GRM5: variants seen among roughly 807,000 people sequenced by gnomAD.
GRM5 encodes glutamate metabotropic receptor 5, also known as metabotropic glutamate receptor 5.
In GRM5, 19 loss-of-function variants were observed where a neutral mutation model predicts 83.1. That is an observed-to-expected ratio of 0.23 (90% confidence interval 0.16 to 0.34). The LOEUF (loss-of-function observed/expected upper bound fraction) is 0.34, where lower values mean the gene tolerates loss of function less well. Ranked by LOEUF, GRM5 falls within the 10% of genes least tolerant of loss-of-function variation. The pLI is 1.00. For synonymous variants in GRM5, 675 were observed against 633.6 expected (o/e 1.07, Z -0.98); for missense variants, 1,160 against 1,588.3 (o/e 0.73, Z 4.58).
At position 88,603,910 on chromosome 11, in the gene GRM5, A is replaced by T. The variant is rs181539785; in HGVS notation, c.1394+808T>A. Among the ~76,000 whole-genome samples, 3 of 152,374 alleles carry T rather than the reference A, an allele frequency of 2.0e-5. No individual in the cohort carries two copies. The East Asian group carries it at 5.8e-4, about 29-fold the overall frequency. ...TTGTTAAGTATGAGCTATTGCTAGA[A>T]GGGCACTGAGAGACCAAAGGACCCT... On this transcript the variant is annotated intron_variant, in intron 5 of 9. Transcript: ENST00000305447.
chr11:88,577,816 G>A (rs1263139360), intron 7 of GRM5, among the ~76,000 whole-genome samples: 4 of 152,086 alleles, frequency 2.6e-5, no homozygotes, highest in Admixed American at 2.0e-4. Flanking sequence ...GCATAGTAAT[G>A]TATCAAGAGA....
At chr11:89,043,404 T>C (rs1941575699) in intron 2 of GRM5, among the ~76,000 whole-genome samples, 1 of 152,178 alleles carries the variant, frequency 6.6e-6, no homozygotes, top group Non-Finnish European at 1.5e-5. Context: ...AAGAATATAA[T>C]AATGAAATAT....
chr11:88,699,594 C>T (rs527517906), intron 3 of GRM5, among the ~76,000 whole-genome samples: 60 of 152,210 alleles, frequency 3.9e-4, no homozygotes, highest in African/African-American at 1.4e-3. Flanking sequence ...CAGCCTGCTT[C>T]GAATGAAGGG....
intron 3 of GRM5, among the ~76,000 whole-genome samples, chr11:88,722,047 A>AAATT (rs750092799): frequency 1.1e-4 from 16 of 152,150 alleles, no homozygotes; most frequent in East Asian, 1.9e-4. Context: ...TCACATTTCT[A>AAATT]AATTAATTAG....
At chr11:89,028,494 G>A (rs969261891) in intron 2 of GRM5, among the ~76,000 whole-genome samples, 3 of 152,126 alleles carry the variant, frequency 2.0e-5, no homozygotes, top group African/African-American at 4.8e-5. Flanking sequence ...TGAGAAAGAG[G>A]CTGAGACAGG....
chr11:88,827,953 T>A (rs759039588), intron 3 of GRM5, among the ~76,000 whole-genome samples: 6 of 152,186 alleles, frequency 3.9e-5, no homozygotes, highest in Non-Finnish European at 8.8e-5. Context: ...TAGGGTATGT[T>A]TCATGTTTAA....
intron 3 of GRM5, among the ~76,000 whole-genome samples, chr11:88,832,560 C>T (rs571516356): frequency 9.9e-5 from 15 of 151,912 alleles, no homozygotes; most frequent in African/African-American, 3.4e-4. Flanking sequence ...CTACAGATTC[C>T]ATGTAATTCC....
intron 3 of GRM5, among the ~76,000 whole-genome samples, chr11:88,798,825 A>AAAACAAAAAAAAAAAAAAAAAAAAAAAAC (rs777932007): frequency 6.9e-6 from 1 of 145,304 alleles, no homozygotes; most frequent in African/African-American, 2.5e-5. Context: ...AAAAAAAAAA[A>AAAACAAAAAAAAAAAAAAAAAAAAAAAAC]AACAACAACA....
intron 2 of GRM5, among the ~76,000 whole-genome samples, chr11:89,006,063 A>T (rs1306648010): frequency 2.6e-5 from 4 of 152,220 alleles, no homozygotes; most frequent in Non-Finnish European, 5.9e-5. Context: ...AGCGTATTTC[A>T]AGTTGAGAAA....
intron 3 of GRM5, among the ~76,000 whole-genome samples, chr11:88,816,733 A>C (rs1316928616): frequency 7.6e-6 from 1 of 132,126 alleles, no homozygotes; most frequent in Non-Finnish European, 1.6e-5. Flanking sequence ...ATAAATCTCT[A>C]TCCAGATTGG....
chr11:88,972,721 C>T, intron 2 of GRM5, among the ~76,000 whole-genome samples: 1 of 152,058 alleles, frequency 6.6e-6, no homozygotes, highest in Admixed American at 6.6e-5. Context: ...TTCACATAGT[C>T]TCAAAGTAAC....
At chr11:88,518,194 T>A (rs1941578202) in intron 9 of GRM5, among the ~76,000 whole-genome samples, 1 of 152,092 alleles carries the variant, frequency 6.6e-6, no homozygotes, top group South Asian at 2.1e-4. Context: ...AAATAGAATA[T>A]ACTCTGAGTA....
rs185230601 is a variant in GRM5, at chr11:88,528,912, A to G, written c.2631-3508T>C. 3.2e-4 allele frequency among the ~76,000 whole-genome samples: 49 copies of G among 152,218 alleles called. 1 individual carries two copies. In the East Asian group the frequency reaches 9.1e-3, roughly 28 times the overall value. On this transcript the variant is annotated intron_variant, in intron 8 of 9. Coordinates refer to ENST00000305447, the MANE Select transcript of GRM5 (RefSeq NM_001143831.3). ...ATGTGGTTTATGAGCAGGGAGCCCA[A>G]GGTTAAAAATCAGGTTTCTCTGATT...
chr11:89,024,266 C>T (rs1275322021), intron 2 of GRM5, among the ~76,000 whole-genome samples: 1 of 152,030 alleles, frequency 6.6e-6, no homozygotes, highest in Non-Finnish European at 1.5e-5. Context: ...TTTTTAATCC[C>T]AAAGATACTC....
chr11:88,729,036 G>A, intron 3 of GRM5, among the ~76,000 whole-genome samples: 1 of 152,138 alleles, frequency 6.6e-6, no homozygotes, highest in Admixed American at 6.6e-5. Flanking sequence ...AATCAGGCAA[G>A]AGAAAGAAAT....
Position 89,011,103 on chromosome 11 carries a change from C to T in GRM5, c.661+36109G>A, listed in dbSNP as rs1026740195. ...AGGAAACTCAATGAGTTAGAATCTGCTAACCTCAGTAAACAAAACCTCAGT... is the reference window on the plus strand; with the variant it reads ...AGGAAACTCAATGAGTTAGAATCTGTTAACCTCAGTAAACAAAACCTCAGT... On this transcript the variant is annotated intron_variant, in intron 2 of 9. Transcript: ENST00000305447. 2.6e-5 allele frequency among the ~76,000 whole-genome samples: 4 copies of T among 152,200 alleles called. No individual in the cohort carries two copies. In the East Asian group the frequency reaches 7.7e-4, roughly 29 times the overall value.
chr11:89,064,422 AT>A (rs1477053092), intron 1 of GRM5, among the ~76,000 whole-genome samples: 1 of 152,110 alleles, frequency 6.6e-6, no homozygotes, highest in Non-Finnish European at 1.5e-5. Context: ...TGGAGGTTGG[AT>A]TTTCCTCACT....
intron 1 of GRM5, among the ~76,000 whole-genome samples, chr11:89,050,610 T>G (rs1941736563): frequency 6.6e-6 from 1 of 152,210 alleles, no homozygotes; most frequent in Non-Finnish European, 1.5e-5. Context: ...TGCAATCCCA[T>G]TACTGGCTAT....
chr11:88,728,660 A>G lies in GRM5; in HGVS notation c.912-75257T>C, dbSNP rs536304048. On this transcript the variant is annotated intron_variant, in intron 3 of 9. Coordinates refer to ENST00000305447, the MANE Select transcript of GRM5 (RefSeq NM_001143831.3). ...GGCAAAATGAATCCAGCAGCACATC[A>G]AAAAGCTTATCCACCAGTATCAAGT... Among the ~76,000 whole-genome samples the G allele has an allele frequency of 1.6e-4, 25 of 152,320 alleles. No homozygotes were observed. The South Asian group carries it at 5.0e-3, about 30-fold the overall frequency.
Sources: gnomAD v4.1 joint callset for allele counts (sites outside exome capture counted in the v4.1 genomes callset) on GRCh38, gnomAD v4.1.1 for gene constraint, MANE v1.5 for transcripts, NCBI Gene and HGNC (gene_info 2026-07-23, HGNC 2026-07-21) for gene names.